ARHGAP22: variants seen among roughly 807,000 people sequenced by gnomAD.
ARHGAP22 encodes the protein Rho GTPase activating protein 22.
In ARHGAP22, 48 loss-of-function variants were observed where a neutral mutation model predicts 59.1. That is an observed-to-expected ratio of 0.81 (90% CI 0.64 to 1.03). The LOEUF is 1.03. Ranked by LOEUF, ARHGAP22 falls within the 50% of genes least tolerant of loss-of-function variation. The probability of loss-of-function intolerance (pLI) is 0.00; values close to 1 mark genes in which losing one functional copy is unlikely to be tolerated. For synonymous variants in ARHGAP22, 445 were observed against 416.4 expected, an observed-to-expected ratio of 1.07 and a Z score of -0.84; for missense variants, 1,015 against 958.7, an observed-to-expected ratio of 1.06 and a Z score of -0.78.
chr10:48,578,748 C>A (rs2058922913), intron 2 of ARHGAP22, among the ~76,000 whole-genome samples: 1 of 151,820 alleles, frequency 6.6e-6, no homozygotes. Flanking sequence ...AAAGCTATGG[C>A]ATTAGGAGCA....
At chr10:48,607,554 C>A (rs1468520499), upstream of ARHGAP22, among the ~76,000 whole-genome samples, 3 of 152,106 alleles carry the variant, frequency 2.0e-5, no homozygotes, top group Non-Finnish European at 4.4e-5. Flanking sequence ...TCTGGGGTGG[C>A]CTGTGGGAGG....
At chr10:48,545,734 A>G (rs2056376641) in intron 3 of ARHGAP22, among the ~76,000 whole-genome samples, 1 of 152,216 alleles carries the variant, frequency 6.6e-6, no homozygotes, top group Non-Finnish European at 1.5e-5. Flanking sequence ...AGCAGGCAGC[A>G]GTCTCCTATC....
At chr10:48,505,643 TC>T (rs1258070343) in intron 3 of ARHGAP22, among the ~76,000 whole-genome samples, 1 of 152,148 alleles carries the variant, frequency 6.6e-6, no homozygotes, top group Non-Finnish European at 1.5e-5. Flanking sequence ...CATTCCCAGT[TC>T]CTTCCTGGAA....
chr10:48,438,596 T>C, the ARHGAP22 span: 1 of 152,252 alleles, frequency 6.6e-6, no homozygotes, highest in Non-Finnish European at 1.5e-5. Context: ...ATTCTCATAA[T>C]GACTTACAAA....
At chr10:48,507,289 C>G (rs1237603391) in intron 3 of ARHGAP22, among the ~76,000 whole-genome samples, 1 of 152,202 alleles carries the variant, frequency 6.6e-6, no homozygotes. Context: ...AGGTGAAGGT[C>G]CCCTATGAGC....
intron 3 of ARHGAP22, among the ~76,000 whole-genome samples, chr10:48,554,694 C>T (rs911135065): frequency 6.6e-6 from 1 of 152,166 alleles, no homozygotes. Flanking sequence ...AGAGCCCCAG[C>T]CTCACTTCTT....
chr10:48,577,421 T>C (rs964508464), intron 2 of ARHGAP22, among the ~76,000 whole-genome samples: 1 of 152,172 alleles, frequency 6.6e-6, no homozygotes, highest in Non-Finnish European at 1.5e-5. Flanking sequence ...TCTATGGAGC[T>C]GACTGGGTGG....
chr10:48,490,235 C>T (rs921558130), intron 3 of ARHGAP22, among the ~76,000 whole-genome samples: 2 of 152,158 alleles, frequency 1.3e-5, no homozygotes, highest in East Asian at 3.8e-4. Flanking sequence ...CAAGCACTGT[C>T]TAAGTGTTCC....
upstream of ARHGAP22, among the ~76,000 whole-genome samples, chr10:48,608,743 A>G (rs1274102587): frequency 6.6e-6 from 1 of 152,184 alleles, no homozygotes; most frequent in East Asian, 1.9e-4. Context: ...CCAGCTGGAG[A>G]GTACCAATGA....
At chr10:48,501,740 CAA>C (rs34893410) in intron 3 of ARHGAP22, among the ~76,000 whole-genome samples, 4 of 138,990 alleles carry the variant, frequency 2.9e-5, no homozygotes. Flanking sequence ...TATGTACATC[CAA>C]AAAAAAAAAA....
intron 4 of ARHGAP22, among the ~76,000 whole-genome samples, chr10:48,469,927 T>C (rs1481813199): frequency 6.6e-6 from 1 of 152,202 alleles, no homozygotes; most frequent in East Asian, 1.9e-4. Context: ...TAGGTTGAAA[T>C]GCCAGCTTCC....
intron 3 of ARHGAP22, among the ~76,000 whole-genome samples, chr10:48,533,137 C>T (rs2055016884): frequency 6.6e-6 from 1 of 151,808 alleles, no homozygotes; most frequent in Non-Finnish European, 1.5e-5. Flanking sequence ...CCCTCATCAA[C>T]AGCATTGCTG....
intron 1 of ARHGAP22, among the ~76,000 whole-genome samples, chr10:48,636,230 G>C (rs2136124298): frequency 6.6e-6 from 1 of 152,314 alleles, no homozygotes; most frequent in South Asian, 2.1e-4. Context: ...TTCTCTGGTG[G>C]CTGTCGATAA....
chr10:48,440,217 A>AT, the ARHGAP22 span, among the ~76,000 whole-genome samples: 6 of 151,858 alleles, frequency 4.0e-5, no homozygotes, highest in Admixed American at 2.0e-4. Context: ...TTTAAGAAAA[A>AT]TTTTTTTAGC....
chr10:48,550,254 C>A (rs1486647930), intron 3 of ARHGAP22, among the ~76,000 whole-genome samples: 1 of 152,228 alleles, frequency 6.6e-6, no homozygotes, highest in Non-Finnish European at 1.5e-5. Context: ...TGCCTTTTTA[C>A]TCTCCTCCTA....
chr10:48,464,640 C>A (rs539566035), intron 4 of ARHGAP22, among the ~76,000 whole-genome samples: 1 of 152,254 alleles, frequency 6.6e-6, no homozygotes, highest in Non-Finnish European at 1.5e-5. Context: ...GGAAAGTAGG[C>A]GATGTTCAAG....
At chr10:48,574,785 C>A (rs994706488) in intron 2 of ARHGAP22, 1 of 152,204 alleles carries the variant, frequency 6.6e-6, no homozygotes, top group African/African-American at 2.4e-5. Flanking sequence ...CAGGCGCTAT[C>A]TGAGAGTGAG....
chr10:48,451,991 C>T (rs985973462), intron 8 of ARHGAP22, among the ~76,000 whole-genome samples: 15 of 151,918 alleles, frequency 9.9e-5, no homozygotes, highest in African/African-American at 2.9e-4. Context: ...ATGCACCCTC[C>T]GCAGCCTCCC....
chr10:48,543,085 G>T (rs78184265), intron 3 of ARHGAP22, among the ~76,000 whole-genome samples: 2,487 of 152,238 alleles, frequency 0.016, 54 homozygotes, highest in African/African-American at 0.056. Context: ...GTGAGGGTCT[G>T]TTCTCACCCC....
Sources: allele counts gnomAD v4.1 joint callset (sites outside exome capture counted in the v4.1 genomes callset), GRCh38; gene constraint gnomAD v4.1.1; transcripts MANE v1.5; gene names NCBI Gene and HGNC (gene_info 2026-07-23, HGNC 2026-07-21).